The following TENM4 variants were observed in gnomAD, a reference collection of about 807,000 sequenced individuals.
TENM4 encodes the protein teneurin-4.
In TENM4, 82 loss-of-function variants were observed where a neutral mutation model predicts 243.3. The ratio of observed to expected loss-of-function variants is 0.34; its 90% CI spans 0.28 to 0.40. The LOEUF (loss-of-function observed/expected upper bound fraction) is 0.40, where lower values mean the gene tolerates loss of function less well. Among genes scored for constraint, TENM4 ranks in the 10% least tolerant of loss-of-function variants. The pLI is 1.00. For synonymous variants in TENM4, 1,412 were observed against 1,456.3 expected (o/e 0.97, Z 0.69); for missense variants, 3,138 against 3,673.3 (o/e 0.85, Z 3.77).
chr11:79,066,622 G>GCACACACGCGCGTGCA (rs1860256860), intron 5 of TENM4, among the ~76,000 whole-genome samples: 1 of 149,922 alleles, frequency 6.7e-6, no homozygotes, highest in Admixed American at 6.6e-5. Flanking sequence ...ACACACGTGC[G>GCACACACGCGCGTGCA]CACACACATG....
intron 1 of TENM4, among the ~76,000 whole-genome samples, chr11:79,338,752 AG>A (rs774393205): frequency 6.6e-6 from 1 of 152,184 alleles, no homozygotes; most frequent in Admixed American, 6.5e-5. Flanking sequence ...TGAGGCCAAA[AG>A]GCCTGAAGTC....
chr11:78,831,958 A>G (rs1373245875), intron 12 of TENM4, among the ~76,000 whole-genome samples: 3 of 152,186 alleles, frequency 2.0e-5, no homozygotes, highest in African/African-American at 7.2e-5. Context: ...AAAAGTACAA[A>G]TTAAACAAAG....
At chr11:78,862,233 T>A (rs1858840862) in intron 10 of TENM4, among the ~76,000 whole-genome samples, 1 of 152,130 alleles carries the variant, frequency 6.6e-6, no homozygotes, top group Admixed American at 6.5e-5. Flanking sequence ...AGACCTGGGC[T>A]CATATCCCAG....
chr11:78,913,580 GGTATGT>G (rs1426003662), intron 6 of TENM4, among the ~76,000 whole-genome samples: 97 of 126,460 alleles, frequency 7.7e-4, no homozygotes, highest in Middle Eastern at 7.7e-3. Context: ...ATGGGTAAGA[GGTATGT>G]GTGTGTGTGT....
At chr11:79,037,630 C>G (rs1039812659) in intron 6 of TENM4, among the ~76,000 whole-genome samples, 4 of 152,136 alleles carry the variant, frequency 2.6e-5, no homozygotes, top group Non-Finnish European at 5.9e-5. Context: ...TAATCAACCA[C>G]CATGTCTCAA....
intron 6 of TENM4, among the ~76,000 whole-genome samples, chr11:79,059,020 G>C (rs910188683): frequency 2.6e-5 from 4 of 152,210 alleles, no homozygotes; most frequent in African/African-American, 9.6e-5. Context: ...GATAAATGGA[G>C]TTAATTGGTA....
At chr11:79,102,363 C>T (rs1861254701) in intron 4 of TENM4, among the ~76,000 whole-genome samples, 1 of 152,200 alleles carries the variant, frequency 6.6e-6, no homozygotes, top group Non-Finnish European at 1.5e-5. Context: ...AGGGAGCTCC[C>T]TCTTGTTCAA....
intron 6 of TENM4, among the ~76,000 whole-genome samples, chr11:78,942,108 T>TTA (rs1856909432): frequency 8.4e-6 from 1 of 119,046 alleles, no homozygotes; most frequent in South Asian, 2.8e-4. Context: ...GCTGATGAGC[T>TTA]AAAAAAAAAA....
At chr11:78,742,712 G>A (rs949222797) in intron 19 of TENM4, among the ~76,000 whole-genome samples, 13 of 152,214 alleles carry the variant, frequency 8.5e-5, no homozygotes, top group Admixed American at 2.0e-4. Context: ...AGGTGCCCTT[G>A]CCGACGCCAA....
At chr11:79,045,590 G>C (rs1591237432) in intron 6 of TENM4, among the ~76,000 whole-genome samples, 1 of 152,192 alleles carries the variant, frequency 6.6e-6, no homozygotes, top group Non-Finnish European at 1.5e-5. Flanking sequence ...GCTGCTACTG[G>C]AGCTCAGGCT....
intron 2 of TENM4, among the ~76,000 whole-genome samples, chr11:79,271,484 C>T (rs750552111): frequency 1.3e-5 from 2 of 152,142 alleles, no homozygotes; most frequent in Non-Finnish European, 2.9e-5. Flanking sequence ...GGGGCTGAAT[C>T]GTATTTGCAT....
chr11:79,042,435 C>T (rs1386660416), intron 6 of TENM4, among the ~76,000 whole-genome samples: 2 of 152,156 alleles, frequency 1.3e-5, no homozygotes, highest in Non-Finnish European at 2.9e-5. Flanking sequence ...GGGCTCTTCC[C>T]TTATGAATGG....
chr11:79,417,591 C>T (rs1746112103), intron 1 of TENM4, among the ~76,000 whole-genome samples: 1 of 152,172 alleles, frequency 6.6e-6, no homozygotes, highest in African/African-American at 2.4e-5. Flanking sequence ...TGCCCCATGT[C>T]CAAAGAATTA....
At chr11:79,186,813 T>G (rs1453890000) in intron 3 of TENM4, among the ~76,000 whole-genome samples, 1 of 152,214 alleles carries the variant, frequency 6.6e-6, no homozygotes, top group Non-Finnish European at 1.5e-5. Flanking sequence ...TTGAATGCAC[T>G]GAGATTATTG....
At chr11:78,732,272 A>G in intron 21 of TENM4, 44 bp downstream of exon 21, 1 of 1,547,328 alleles carries the variant, frequency 6.5e-7, no homozygotes, top group Non-Finnish European at 8.7e-7. Context: ...CACCCCCAAA[A>G]TGAAATAAAA....
intron 28 of TENM4, among the ~76,000 whole-genome samples, chr11:78,699,677 C>T (rs1294640019): frequency 6.6e-6 from 1 of 152,200 alleles, no homozygotes; most frequent in Admixed American, 6.5e-5. Flanking sequence ...TCCTTCTTCA[C>T]TAAACATCAA....
At chr11:78,936,269 G>C (rs1856781235) in intron 6 of TENM4, among the ~76,000 whole-genome samples, 1 of 152,216 alleles carries the variant, frequency 6.6e-6, no homozygotes, top group African/African-American at 2.4e-5. Flanking sequence ...TATAGCTTGA[G>C]TCTGAGCCTC....
At chr11:79,436,259 G>A (rs2135623801) in intron 1 of TENM4, among the ~76,000 whole-genome samples, 1 of 152,256 alleles carries the variant, frequency 6.6e-6, no homozygotes, top group African/African-American at 2.4e-5. Context: ...ATGAAAAGCT[G>A]AATGAACTCA....
intron 1 of TENM4, among the ~76,000 whole-genome samples, chr11:79,362,552 T>C (rs1009792340): frequency 1.3e-5 from 2 of 152,226 alleles, no homozygotes; most frequent in Non-Finnish European, 2.9e-5. Context: ...TCCCACACTC[T>C]CTGACATCCA....
Sources: allele counts gnomAD v4.1 joint callset (sites outside exome capture counted in the v4.1 genomes callset), GRCh38; gene constraint gnomAD v4.1.1; transcripts MANE v1.5; gene names NCBI Gene and HGNC (gene_info 2026-07-23, HGNC 2026-07-21).